Variants in CREB1 observed in about 807,000 individuals in gnomAD.
CREB1 encodes cAMP responsive element binding protein 1.
CREB1 carries 2 observed loss-of-function variants against 42.0 expected under a neutral mutation model. That is an observed-to-expected ratio of 0.05 (90% CI 0.02 to 0.15). The LOEUF (loss-of-function observed/expected upper bound fraction) is 0.15, where lower values mean the gene tolerates loss of function less well. Ranked by LOEUF, CREB1 falls within the 10% of genes least tolerant of loss-of-function variation. The probability of loss-of-function intolerance (pLI) is 1.00; values close to 1 mark genes in which losing one functional copy is unlikely to be tolerated. For synonymous variants in CREB1, 123 were observed against 139.9 expected (o/e 0.88, Z 0.85); for missense variants, 199 against 388.9 (o/e 0.51, Z 4.11).
chr2:207,530,686 G>A (rs944993033), intron 1 of CREB1, among the ~76,000 whole-genome samples: 2 of 151,536 alleles, frequency 1.3e-5, no homozygotes, highest in Admixed American at 1.3e-4. Flanking sequence ...GGCGACAGTT[G>A]AGGGCAGAGG....
intron 3 of CREB1, among the ~76,000 whole-genome samples, chr2:207,565,855 C>T (rs754155327): frequency 1.3e-5 from 2 of 152,152 alleles, no homozygotes; most frequent in Non-Finnish European, 2.9e-5. Flanking sequence ...TTTCCTCAGG[C>T]CTTTTCATAG....
chr2:207,535,685 G>A (rs574158486), intron 1 of CREB1, among the ~76,000 whole-genome samples: 2 of 151,528 alleles, frequency 1.3e-5, no homozygotes, highest in African/African-American at 2.4e-5. Flanking sequence ...GAAACCTTTG[G>A]TCAACCAGTT....
rs1402074336 is a variant in CREB1, at chr2:207,601,925, C to T, written c.*4867C>T. The T allele has an allele frequency of 9.4e-6, 2 of 211,864 alleles. No homozygotes were observed. Among genetic ancestry groups the T allele is most frequent in the Non-Finnish European group, 1.9e-5 (2 of 104,626 alleles). 13.1% of individuals were successfully genotyped at this position (211,864 alleles called of 1,614,324 possible). On this transcript the variant is annotated 3_prime_UTR_variant, in exon 8 of 8. Coordinates refer to ENST00000353267, the MANE Select transcript of CREB1 (RefSeq NM_004379.5). ...AATGTTGACTATTAAGTTGGCTACA[C>T]AGTCACTGTATGTACTAGGAACTGG...
intron 3 of CREB1, among the ~76,000 whole-genome samples, chr2:207,564,882 A>T (rs917371699): frequency 9.9e-5 from 15 of 152,240 alleles, no homozygotes; most frequent in African/African-American, 3.4e-4. Context: ...ATAGGAGATG[A>T]GAATAAAAGG....
chr2:207,576,724 C>CA, intron 6 of CREB1: 5 of 1,195,692 alleles, frequency 4.2e-6, no homozygotes, highest in Non-Finnish European at 5.3e-6. Context: ...ATCTTTTCCA[C>CA]TCAAACCATA....
rs898274546 is a variant in CREB1 at position 207,599,967 on chromosome 2, A to G, written c.*2909A>G. 32 of 192,148 alleles carry G rather than the reference A, an allele frequency of 1.7e-4. No individual in the cohort carries two copies. The highest frequency in any genetic ancestry group is 2.2e-5 in the Non-Finnish European group (2 of 91,972). The allele number at this position is 192,148 out of a possible 1,614,324, so 11.9% of individuals were successfully genotyped here. ...ATAGGGCCATGTGGCACTTTTATCTATAGGACAGATTAATAAAAATGAAGT... is the reference window on the plus strand; with the variant it reads ...ATAGGGCCATGTGGCACTTTTATCTGTAGGACAGATTAATAAAAATGAAGT... On this transcript the variant is annotated 3_prime_UTR_variant, in exon 8 of 8. Coordinates refer to ENST00000353267, the MANE Select transcript of CREB1 (RefSeq NM_004379.5).
At chr2:207,557,449 G>A (rs532049135) in intron 2 of CREB1, among the ~76,000 whole-genome samples, 6 of 152,276 alleles carry the variant, frequency 3.9e-5, no homozygotes, top group African/African-American at 1.2e-4. Context: ...TTGGGAGGCC[G>A]AGGCAGGCGG....
At position 207,604,428 on chromosome 2, in the gene CREB1, G is replaced by A. The variant is rs2087704359; in HGVS notation, c.*7370G>A. ...TGTTAAATTGTTTAGGGGAAACCTA[G>A]AAAAGCACTACCTTAATCAGTGTTA... On this transcript the variant is annotated 3_prime_UTR_variant, in exon 8 of 8. Coordinates refer to ENST00000353267, the MANE Select transcript of CREB1 (RefSeq NM_004379.5). 1.3e-5 allele frequency among the ~76,000 whole-genome samples: 2 copies of A among 152,100 alleles called. No homozygotes were observed. The highest frequency in any genetic ancestry group is 1.3e-4 in the Admixed American group (2 of 15,262).
In CREB1 at chr2:207,601,889, C is replaced by T. The variant is rs190175450; in HGVS notation, c.*4831C>T. ...GAGGCTTACATACATCTTGAATATT[C>T]TTAATGTAATAATGTTGACTATTAA... On this transcript the variant is annotated 3_prime_UTR_variant, in exon 8 of 8. Transcript: ENST00000353267. 4.7e-6 allele frequency: 1 copy of T among 214,770 alleles called. No individual in the cohort carries two copies. The highest frequency in any genetic ancestry group is 6.9e-5 in the East Asian group (1 of 14,444). 13.3% of individuals were successfully genotyped at this position (214,770 alleles called of 1,614,324 possible).
intron 4 of CREB1, among the ~76,000 whole-genome samples, chr2:207,568,730 G>GT (rs1384801931): frequency 1.3e-5 from 2 of 152,062 alleles, no homozygotes; most frequent in Admixed American, 6.5e-5. Context: ...GTTTTTAGGG[G>GT]TTTTTTCCCA....
intron 7 of CREB1, among the ~76,000 whole-genome samples, chr2:207,582,702 TG>T (rs1334927616): frequency 2.6e-5 from 4 of 152,092 alleles, no homozygotes; most frequent in African/African-American, 9.7e-5. Flanking sequence ...TAGAAAATGG[TG>T]GCCAATATGG....
At chr2:207,590,083 G>GTTTTTT (rs59126515) in intron 7 of CREB1, among the ~76,000 whole-genome samples, 5 of 76,142 alleles carry the variant, frequency 6.6e-5, no homozygotes, top group South Asian at 5.7e-4. Context: ...ATTTTGAGAA[G>GTTTTTT]TTTTTTTTTT....
Position 207,597,981 on chromosome 2 carries a change from G to A in CREB1, c.*923G>A, listed in dbSNP as rs552629983. ...AATATTTATATTGTCACTCATTTAC[G>A]TAAAAAGATATTTCTAATTTACTGT... On this transcript the variant is annotated 3_prime_UTR_variant, in exon 8 of 8. Coordinates refer to ENST00000353267, the MANE Select transcript of CREB1 (RefSeq NM_004379.5). 6 of 182,946 alleles carry A rather than the reference G, an allele frequency of 3.3e-5. No homozygotes were observed. Among genetic ancestry groups the A allele is most frequent in the South Asian group, 2.0e-4 (1 of 5,034 alleles). 11.3% of individuals were successfully genotyped at this position (182,946 alleles called of 1,614,324 possible). A position where few individuals can be genotyped will look rare whatever the true frequency, so the allele number is the denominator to read the frequency against.
chr2:207,568,459 G>A (rs2082224974), intron 4 of CREB1, among the ~76,000 whole-genome samples: 1 of 151,950 alleles, frequency 6.6e-6, no homozygotes, highest in Admixed American at 6.5e-5. Flanking sequence ...TAACACATTT[G>A]ATCCTGAAGC....
chr2:207,567,251 A>T (rs547609663), intron 3 of CREB1, among the ~76,000 whole-genome samples: 3 of 152,228 alleles, frequency 2.0e-5, no homozygotes, highest in South Asian at 4.1e-4. Context: ...AAAAAATTAA[A>T]CTGCAGCTAT....
At chr2:207,536,573 T>C (rs977877589) in intron 1 of CREB1, among the ~76,000 whole-genome samples, 21 of 152,142 alleles carry the variant, frequency 1.4e-4, no homozygotes, top group African/African-American at 4.1e-4. Context: ...AAACAAAAGC[T>C]GTCATGGTAT....
chr2:207,590,370 G>A (rs909977064), intron 7 of CREB1, among the ~76,000 whole-genome samples: 1 of 151,324 alleles, frequency 6.6e-6, no homozygotes, highest in Non-Finnish European at 1.5e-5. Flanking sequence ...TTTAAGTCTG[G>A]CTAAAGGTTT....
rs767646979 is a variant in CREB1 at position 207,604,561 on chromosome 2, A to G, written c.*7503A>G. ...GCCTGACATCAAATGGAAAGGAAGG[A>G]TAATGTCCAGGAGTTGGAATGTTAT... On this transcript the variant is annotated 3_prime_UTR_variant, in exon 8 of 8. Transcript: ENST00000353267. 4.6e-5 allele frequency among the ~76,000 whole-genome samples: 7 copies of G among 152,228 alleles called. No individual in the cohort carries two copies. Among genetic ancestry groups the G allele is most frequent in the Admixed American group, 6.5e-5 (1 of 15,284 alleles).
intron 1 of CREB1, among the ~76,000 whole-genome samples, chr2:207,547,105 C>T (rs2081329200): frequency 6.6e-6 from 1 of 152,150 alleles, no homozygotes; most frequent in African/African-American, 2.4e-5. Flanking sequence ...TGTATTATGA[C>T]TCCTCCCATA....
Sources: allele counts gnomAD v4.1 joint callset (sites outside exome capture counted in the v4.1 genomes callset), GRCh38; gene constraint gnomAD v4.1.1; transcripts MANE v1.5; gene names NCBI Gene and HGNC (gene_info 2026-07-23, HGNC 2026-07-21).